Variants in SYNC observed in about 807,000 individuals in gnomAD.
SYNC encodes the protein syncoilin.
A neutral mutation model predicts 49.5 loss-of-function variants in SYNC; 38 were observed. The observed-to-expected ratio is 0.77, with a 90% CI of 0.59 to 1.01. SYNC has a LOEUF of 1.01. SYNC is among the 50% of genes least tolerant of loss of function. The pLI, the probability that SYNC is intolerant of heterozygous loss-of-function variation, is 0.00. For synonymous variants in SYNC, 201 were observed against 230.8 expected (o/e 0.87, Z 1.17); for missense variants, 579 against 580.6 (o/e 1.00, Z 0.03).
rs1306383680 is a variant in SYNC at position 32,693,524 on chromosome 1, A to G, written c.1233+1341T>C. On this transcript the variant is annotated intron_variant, in intron 2 of 4. Coordinates refer to ENST00000409190, the MANE Select transcript of SYNC (RefSeq NM_030786.3). The stretch of plus-strand genomic sequence containing the variant: ...AGACATAGATTTCTAAGTTTATCCA[A>G]AGGAATCAGTGTTTCAAAAGATTAA... 1.1e-4 allele frequency among the ~76,000 whole-genome samples: 17 copies of G among 152,316 alleles called. No individual in the cohort carries two copies. The East Asian group carries it at 3.3e-3, about 29-fold the overall frequency.
intron 1 of SYNC, among the ~76,000 whole-genome samples, chr1:32,698,526 A>T (rs746416305): frequency 6.6e-6 from 1 of 152,184 alleles, no homozygotes; most frequent in Non-Finnish European, 1.5e-5. Context: ...ATCAAAAAAA[A>T]AAGTTTTTCA....
intron 2 of SYNC, among the ~76,000 whole-genome samples, chr1:32,686,519 A>G (rs888363427): frequency 2.0e-5 from 3 of 152,234 alleles, no homozygotes; most frequent in African/African-American, 7.2e-5. Context: ...ACTCAGGAAA[A>G]GGGGAACTGC....
At position 32,695,374 on chromosome 1, in the gene SYNC, C is replaced by T; in HGVS notation, c.724G>A (p.Val242Ile). 1.5e-5 allele frequency: 23 copies of T among 1,551,758 alleles called. No homozygotes were observed. Among genetic ancestry groups the T allele is most frequent in the Non-Finnish European group, 2.0e-5 (23 of 1,147,100 alleles). ...GTCACTTTGAAAAGCTTCTGCTTGA[C>T]CAGCCGGATCTCCTCCCTTAGGCCA... ...RDGLREEIRL[V>I]KQKLFKVTKE... The change falls in exon 2 of 5, where the codon GTC (valine) becomes ATC (isoleucine). Residue 242 changes from valine (V) to isoleucine (I), a missense_variant. Coordinates refer to ENST00000409190, the MANE Select transcript of SYNC (RefSeq NM_030786.3).
At chr1:32,685,064 C>G (rs979673019) in intron 2 of SYNC, 1 of 152,200 alleles carries the variant, frequency 6.6e-6, no homozygotes, top group African/African-American at 2.4e-5. Context: ...GTTGCCCAGG[C>G]TGGTCTTGTT....
In SYNC at chr1:32,694,808, G is replaced by A. The variant is rs1650324781; in HGVS notation, c.1233+57C>T. The A allele has an allele frequency of 8.8e-6, 13 of 1,472,068 alleles. No homozygotes were observed. The East Asian group carries it at 3.0e-4, about 34-fold the overall frequency. The allele number at this position is 1,472,068 out of a possible 1,614,324, so 91.2% of individuals were successfully genotyped here. A position where few individuals can be genotyped will look rare whatever the true frequency, so the allele number is the denominator to read the frequency against. ...TTCAGCCCCAAAGACCTTGGACTCT[G>A]GCCACTCTTTCCCCAGGTTAAAAGA... On this transcript the variant is annotated intron_variant, in intron 2 of 4. Coordinates refer to ENST00000409190, the MANE Select transcript of SYNC (RefSeq NM_030786.3).
chr1:32,685,880 A>G (rs549213457), intron 2 of SYNC: 22 of 152,346 alleles, frequency 1.4e-4, no homozygotes, highest in African/African-American at 5.3e-4. Flanking sequence ...CCACTAGATT[A>G]ACTTTACAAT....
intron 4 of SYNC, chr1:32,682,063 A>T: frequency 1.8e-6 from 1 of 562,952 alleles, no homozygotes. Flanking sequence ...TTTCTCTGCT[A>T]GGTTAACTTC....
At chr1:32,687,716 ACATTC>A (rs1450989358) in intron 2 of SYNC, among the ~76,000 whole-genome samples, 1 of 151,534 alleles carries the variant, frequency 6.6e-6, no homozygotes, top group Admixed American at 6.6e-5. Context: ...GATCTAGTTA[ACATTC>A]CTTGTGATTC....
At chr1:32,690,781 C>T (rs1252275753) in intron 2 of SYNC, among the ~76,000 whole-genome samples, 1 of 150,874 alleles carries the variant, frequency 6.6e-6, no homozygotes, top group Non-Finnish European at 1.5e-5. Flanking sequence ...AAAACTTCAT[C>T]TCTACCAAAA....
In SYNC at chr1:32,695,146, G is replaced by T. The variant is rs752857362; in HGVS notation, c.952C>A (p.Leu318Ile). The T allele has an allele frequency of 6.2e-7, 1 of 1,604,536 alleles. No homozygotes were observed. Residue 318 changes from leucine (L) to isoleucine (I), a missense_variant, in exon 2 of 5, where the codon CTC becomes ATC. Transcript: ENST00000409190. ...APPSQRDGHF[L>I]QESRRLSAQF... is the part of the protein sequence containing the mutation. ...GCAGAGAGTCGCCGGCTTTCCTGGAGAAAGTGCCCATCCCTCTGGCTTGGA... is the reference window on the plus strand; with the variant it reads ...GCAGAGAGTCGCCGGCTTTCCTGGATAAAGTGCCCATCCCTCTGGCTTGGA...
At chr1:32,698,789 T>C (rs1258395320) in intron 1 of SYNC, among the ~76,000 whole-genome samples, 4 of 151,374 alleles carry the variant, frequency 2.6e-5, no homozygotes, top group African/African-American at 7.3e-5. Context: ...TTGTCTTTTT[T>C]TTTTTTTTTG....
intron 1 of SYNC, among the ~76,000 whole-genome samples, chr1:32,697,576 A>C (rs989922466): frequency 2.0e-5 from 3 of 151,942 alleles, no homozygotes; most frequent in Non-Finnish European, 4.4e-5. Context: ...CTCTACAAAA[A>C]AATACAAAAA....
At position 32,695,153 on chromosome 1, in the gene SYNC, C is replaced by G. The variant is rs757644723; in HGVS notation, c.945G>C (p.Gly315=). The G allele has an allele frequency of 6.2e-7, 1 of 1,600,572 alleles. No homozygotes were observed. Among genetic ancestry groups the G allele is most frequent in the South Asian group, 1.1e-5 (1 of 89,882 alleles). ...QLEAPPSQRD[G]HFLQESRRLS... is the part of the protein sequence containing the mutation. ...GTCGCCGGCTTTCCTGGAGAAAGTGCCCATCCCTCTGGCTTGGAGGGGCTT... is the reference window on the plus strand; with the variant it reads ...GTCGCCGGCTTTCCTGGAGAAAGTGGCCATCCCTCTGGCTTGGAGGGGCTT... The change falls in exon 2 of 5, where the codon GGG becomes GGC. Residue 315 remains glycine, a synonymous_variant. Coordinates refer to ENST00000409190, the MANE Select transcript of SYNC (RefSeq NM_030786.3).
In SYNC at chr1:32,679,951, A is replaced by G. The variant is rs1649317502; in HGVS notation, c.*1899T>C. 9 of 1,278,980 alleles carry G rather than the reference A, an allele frequency of 7.0e-6. No homozygotes were observed. In the South Asian group the frequency reaches 1.5e-4, roughly 22 times the overall value. 79.2% of individuals were successfully genotyped at this position (1,278,980 alleles called of 1,614,324 possible). ...TTTTCTAGTAACCCAGGTCTAAAGT[A>G]GCTACAGAAAGGGGAATATTATGTG... On this transcript the variant is annotated 3_prime_UTR_variant, in exon 5 of 5. Coordinates refer to ENST00000409190, the MANE Select transcript of SYNC (RefSeq NM_030786.3).
In SYNC at chr1:32,680,710, C is replaced by A; in HGVS notation, c.*1140G>T. The stretch of plus-strand genomic sequence containing the variant: ...ACATCCATCAAACACCAGTCTCTGG[C>A]TTCTAGAAGAGTCCTTCAGATGACA... On this transcript the variant is annotated 3_prime_UTR_variant, in exon 5 of 5. Transcript: ENST00000409190. 1 of 615,312 alleles carries A rather than the reference C, an allele frequency of 1.6e-6. No individual in the cohort carries two copies. The highest frequency in any genetic ancestry group is 2.6e-5 in the South Asian group (1 of 38,840). The allele number at this position is 615,312 out of a possible 1,614,324, so 38.1% of individuals were successfully genotyped here.
At chr1:32,689,716 G>A (rs1260316662) in intron 2 of SYNC, among the ~76,000 whole-genome samples, 1 of 152,032 alleles carries the variant, frequency 6.6e-6, no homozygotes, top group Non-Finnish European at 1.5e-5. Flanking sequence ...GCCGAGGCGG[G>A]CAGATCACAA....
At chr1:32,687,417 C>G (rs1317458224) in intron 2 of SYNC, among the ~76,000 whole-genome samples, 1 of 151,416 alleles carries the variant, frequency 6.6e-6, no homozygotes, top group Admixed American at 6.6e-5. Flanking sequence ...TGGTTCACGC[C>G]TGTAATCCCA....
chr1:32,693,427 C>G (rs900868161), intron 2 of SYNC, among the ~76,000 whole-genome samples: 4 of 152,340 alleles, frequency 2.6e-5, no homozygotes, highest in African/African-American at 9.6e-5. Context: ...TTGACAAAAT[C>G]TTCAGTGAAG....
At chr1:32,692,028 G>T (rs360030) in intron 2 of SYNC, among the ~76,000 whole-genome samples, 3 of 152,066 alleles carry the variant, frequency 2.0e-5, no homozygotes, top group Non-Finnish European at 2.9e-5. Context: ...ATCAGGAGAT[G>T]GAGACCATCC....
Sources: allele counts gnomAD v4.1 joint callset (sites outside exome capture counted in the v4.1 genomes callset), GRCh38; gene constraint gnomAD v4.1.1; transcripts MANE v1.5; gene names NCBI Gene and HGNC (gene_info 2026-07-23, HGNC 2026-07-21).